LRP1B: variants seen among roughly 807,000 people sequenced by gnomAD.
LRP1B encodes LDL receptor related protein 1B, also known as low-density lipoprotein receptor-related protein 1B.
LRP1B carries 217 observed loss-of-function variants against 556.6 expected under a neutral mutation model. That is an observed-to-expected ratio of 0.39 (90% CI 0.35 to 0.44). The LOEUF is 0.44. Ranked by LOEUF, LRP1B falls within the 20% of genes least tolerant of loss-of-function variation. The probability of loss-of-function intolerance (pLI) is 1.00; values close to 1 mark genes in which losing one functional copy is unlikely to be tolerated. For missense variants in LRP1B, 5,053 were observed against 5,620.8 expected, an observed-to-expected ratio of 0.90 and a Z score of 3.23; for synonymous variants, 2,047 against 1,865.8, an observed-to-expected ratio of 1.10 and a Z score of -2.50.
chr2:141,769,287 A>G (rs1694824610), intron 2 of LRP1B, among the ~76,000 whole-genome samples: 1 of 152,198 alleles, frequency 6.6e-6, no homozygotes, highest in Non-Finnish European at 1.5e-5. Context: ...CTGTGCAAAC[A>G]ATTTCTGCAT....
At chr2:141,508,140 T>C (rs948011489) in intron 2 of LRP1B, among the ~76,000 whole-genome samples, 3 of 151,678 alleles carry the variant, frequency 2.0e-5, no homozygotes, top group Admixed American at 6.6e-5. Flanking sequence ...TCTAATTGTC[T>C]TTGGAATGTA....
At chr2:140,507,221 T>C (rs1321595139) in intron 52 of LRP1B, among the ~76,000 whole-genome samples, 1 of 152,174 alleles carries the variant, frequency 6.6e-6, no homozygotes, top group Non-Finnish European at 1.5e-5. Flanking sequence ...AATTCAAATG[T>C]TCACATGTTA....
At chr2:141,782,581 T>C (rs1695291979) in intron 2 of LRP1B, among the ~76,000 whole-genome samples, 1 of 139,184 alleles carries the variant, frequency 7.2e-6, no homozygotes, top group African/African-American at 2.7e-5. Context: ...CTGGGGTAAC[T>C]AACACTCATT....
chr2:141,605,325 A>G (rs925520929), intron 2 of LRP1B, among the ~76,000 whole-genome samples: 4 of 151,968 alleles, frequency 2.6e-5, no homozygotes, highest in African/African-American at 9.7e-5. Flanking sequence ...AATATTTATC[A>G]TCTAGCCTTG....
At chr2:140,859,370 G>C (rs1228794637) in intron 27 of LRP1B, among the ~76,000 whole-genome samples, 2 of 152,086 alleles carry the variant, frequency 1.3e-5, no homozygotes, top group African/African-American at 2.4e-5. Flanking sequence ...GAGTGAATTA[G>C]TGAGGGAGTA....
chr2:140,782,132 T>C (rs1327700464), intron 32 of LRP1B, among the ~76,000 whole-genome samples: 1 of 152,214 alleles, frequency 6.6e-6, no homozygotes, highest in Non-Finnish European at 1.5e-5. Flanking sequence ...CAAACACTGC[T>C]TGCTTAAGCT....
rs60220195 is a variant in LRP1B at position 141,259,880 on chromosome 2, T to A, written c.344-5239A>T. Among the ~76,000 whole-genome samples, 326 of 146,832 alleles carry A rather than the reference T, an allele frequency of 2.2e-3. 1 individual carries two copies. Among genetic ancestry groups the A allele is most frequent in the African/African-American group, 7.4e-3 (302 of 40,592 alleles). On this transcript the variant is annotated intron_variant, in intron 3 of 90. Coordinates refer to ENST00000389484, the MANE Select transcript of LRP1B (RefSeq NM_018557.3). The stretch of plus-strand genomic sequence containing the variant: ...TAAAATATTGCTGACACATAGTAAC[T>A]ATTTTTATTATCATAATCATTTTTT...
chr2:140,662,687 T>A (rs996108437), intron 41 of LRP1B, among the ~76,000 whole-genome samples: 1 of 152,166 alleles, frequency 6.6e-6, no homozygotes, highest in Non-Finnish European at 1.5e-5. Context: ...CTCTGAAAAC[T>A]GCACAATATT....
At chr2:142,115,684 AATAT>A (rs1392547135) in intron 1 of LRP1B, among the ~76,000 whole-genome samples, 1 of 8,076 alleles carries the variant, frequency 1.2e-4, no homozygotes. Flanking sequence ...ATATATATAT[AATAT>A]ATATGTAATA....
intron 47 of LRP1B, among the ~76,000 whole-genome samples, chr2:140,529,673 G>A (rs1690601757): frequency 6.6e-6 from 1 of 152,022 alleles, no homozygotes; most frequent in African/African-American, 2.4e-5. Flanking sequence ...CCTTTAGGGA[G>A]GATCAGAACT....
chr2:140,992,483 A>G (rs543290860), intron 16 of LRP1B: 4 of 152,246 alleles, frequency 2.6e-5, no homozygotes, highest in African/African-American at 9.6e-5. Flanking sequence ...CTGCTCAGGC[A>G]TTTAAAGTTG....
intron 1 of LRP1B, among the ~76,000 whole-genome samples, chr2:141,890,676 A>G (rs1699264511): frequency 6.6e-6 from 1 of 151,974 alleles, no homozygotes; most frequent in Admixed American, 6.6e-5. Context: ...ACAGTTTGCT[A>G]ATGCTAAATT....
At chr2:141,016,034 A>G in intron 12 of LRP1B, 119 bp from the exon 13 acceptor site, 1 of 734,778 alleles carries the variant, frequency 1.4e-6, no homozygotes, top group East Asian at 2.6e-5. Context: ...TTGTCCTCCT[A>G]TCTAAGTGCT....
intron 7 of LRP1B, among the ~76,000 whole-genome samples, chr2:141,148,465 G>A (rs1392692652): frequency 1.3e-5 from 2 of 152,128 alleles, no homozygotes; most frequent in Non-Finnish European, 2.9e-5. Context: ...GAGAAGCCAC[G>A]TGGAGAGAAT....
intron 1 of LRP1B, among the ~76,000 whole-genome samples, chr2:141,843,093 G>C (rs1199710423): frequency 6.6e-6 from 1 of 152,072 alleles, no homozygotes; most frequent in Non-Finnish European, 1.5e-5. Flanking sequence ...GATATAGCTA[G>C]AAATCTCTTG....
At chr2:141,836,615 G>A (rs905167051) in intron 1 of LRP1B, among the ~76,000 whole-genome samples, 2 of 151,936 alleles carry the variant, frequency 1.3e-5, no homozygotes, top group African/African-American at 4.8e-5. Flanking sequence ...AACCTGCAGT[G>A]TAATTTTGTA....
chr2:141,458,133 A>C (rs552925998), intron 3 of LRP1B, among the ~76,000 whole-genome samples: 71 of 152,282 alleles, frequency 4.7e-4, no homozygotes, highest in Middle Eastern at 6.8e-3. Flanking sequence ...AAAGGGTAAA[A>C]ATCTTCTTAT....
chr2:140,256,709 C>T (rs904690208), intron 86 of LRP1B, among the ~76,000 whole-genome samples: 3 of 151,232 alleles, frequency 2.0e-5, no homozygotes, highest in Admixed American at 6.6e-5. Context: ...CCTTGTGATC[C>T]GCCTGCCTCA....
chr2:140,504,458 A>C (rs1332619289), intron 53 of LRP1B, among the ~76,000 whole-genome samples: 1 of 152,110 alleles, frequency 6.6e-6, no homozygotes, highest in Non-Finnish European at 1.5e-5. Flanking sequence ...TTCAATCTTC[A>C]GTCTTTATTT....
Sources: allele counts gnomAD v4.1 joint callset (sites outside exome capture counted in the v4.1 genomes callset), GRCh38; gene constraint gnomAD v4.1.1; transcripts MANE v1.5; gene names NCBI Gene and HGNC (gene_info 2026-07-23, HGNC 2026-07-21).